Variants in ERGIC1 observed in about 807,000 individuals in gnomAD.
The protein encoded by ERGIC1 is endoplasmic reticulum-Golgi intermediate compartment protein 1.
In ERGIC1, 19 loss-of-function variants were observed where a neutral mutation model predicts 38.3. The observed-to-expected ratio is 0.50, with a 90% CI of 0.35 to 0.73. ERGIC1 has a LOEUF of 0.73. Among genes scored for constraint, ERGIC1 ranks in the 30% least tolerant of loss-of-function variants. The pLI is 0.01. For synonymous variants in ERGIC1, 124 were observed against 157.6 expected, an observed-to-expected ratio of 0.79 and a Z score of 1.60; for missense variants, 294 against 389.2, an observed-to-expected ratio of 0.76 and a Z score of 2.06.
rs1050368775 is a variant in ERGIC1 at position 172,846,137 on chromosome 5, C to T, written c.20+11704C>T. ...CATGGCATCCATTTGACCTCTCTGG[C>T]GATGTCGGCCTTCAGTACCTGGTTA... is the stretch of plus-strand genomic sequence containing the variant. On this transcript the variant is annotated intron_variant, in intron 1 of 9. Coordinates refer to ENST00000393784, the MANE Select transcript of ERGIC1 (RefSeq NM_001031711.3). The surrounding 1 kb of genome is among the most constrained non-coding windows in gnomAD (Gnocchi z 4.0). 6.6e-6 allele frequency among the ~76,000 whole-genome samples: 1 copy of T among 152,128 alleles called. No individual in the cohort carries two copies. Among genetic ancestry groups the T allele is most frequent in the South Asian group, 2.1e-4 (1 of 4,820 alleles).
intron 9 of ERGIC1, chr5:172,937,204 G>A (rs1402078249): frequency 6.6e-6 from 1 of 152,122 alleles, no homozygotes; most frequent in African/African-American, 2.4e-5. Flanking sequence ...AATGGGAAAG[G>A]GGTAGCCTTC....
chr5:172,951,184 CTCG>C lies in ERGIC1; in HGVS notation c.*369_*371del. The C allele has an allele frequency of 6.0e-6, 1 of 167,938 alleles. No individual in the cohort carries two copies. Among genetic ancestry groups the C allele is most frequent in the Non-Finnish European group, 1.3e-5 (1 of 78,446 alleles). The allele number at this position is 167,938 out of a possible 1,614,324, so 10.4% of individuals were successfully genotyped here. ...CAGCTCTCAGCCAGGCTTCGACAATCTCGCAGCCCCCACTAGGTGGACACATTA... is the reference window on the plus strand; with the variant it reads ...CAGCTCTCAGCCAGGCTTCGACAATCCAGCCCCCACTAGGTGGACACATTA... On this transcript the variant is annotated 3_prime_UTR_variant, in exon 10 of 10. Coordinates refer to ENST00000393784, the MANE Select transcript of ERGIC1 (RefSeq NM_001031711.3).
chr5:172,919,252 T>C (rs1371710434), intron 5 of ERGIC1, among the ~76,000 whole-genome samples: 2 of 152,214 alleles, frequency 1.3e-5, no homozygotes, highest in Non-Finnish European at 2.9e-5. Flanking sequence ...AAGGAAGCCC[T>C]GTCTGAAGAC....
intron 5 of ERGIC1, among the ~76,000 whole-genome samples, chr5:172,919,585 A>G (rs2161134): frequency 0.34 from 51,178 of 152,122 alleles, 9,039 homozygotes; most frequent in Non-Finnish European, 0.38. Flanking sequence ...CCCGGCTACC[A>G]TGGTCACTGG....
chr5:172,913,988 A>T (rs1763275247), intron 4 of ERGIC1, among the ~76,000 whole-genome samples: 1 of 152,130 alleles, frequency 6.6e-6, no homozygotes, highest in Non-Finnish European at 1.5e-5. Context: ...TAATCCCAGC[A>T]CTTTGGGAGG....
At chr5:172,927,386 C>T (rs553057839) in intron 7 of ERGIC1, among the ~76,000 whole-genome samples, 2 of 152,284 alleles carry the variant, frequency 1.3e-5, no homozygotes, top group African/African-American at 4.8e-5. Flanking sequence ...CCTGCCCCCC[C>T]GACAAATCGA....
At chr5:172,928,074 G>A (rs1763696263) in intron 7 of ERGIC1, among the ~76,000 whole-genome samples, 1 of 152,122 alleles carries the variant, frequency 6.6e-6, no homozygotes, top group Admixed American at 6.5e-5. Context: ...GTGTGGTGCC[G>A]TGGTCATTGT....
At chr5:172,887,429 A>G (rs954289044) in intron 1 of ERGIC1, among the ~76,000 whole-genome samples, 2 of 152,092 alleles carry the variant, frequency 1.3e-5, no homozygotes, top group Non-Finnish European at 2.9e-5. Flanking sequence ...CTTTACAGAC[A>G]CTTCTTTCCC....
chr5:172,903,811 G>T (rs1367187871), intron 3 of ERGIC1, among the ~76,000 whole-genome samples: 1 of 151,596 alleles, frequency 6.6e-6, no homozygotes, highest in East Asian at 2.1e-4. Flanking sequence ...CAGCCAAGAG[G>T]TGGCAGAGCC....
intron 9 of ERGIC1, among the ~76,000 whole-genome samples, chr5:172,941,606 C>G (rs1388746332): frequency 6.6e-6 from 1 of 152,180 alleles, no homozygotes; most frequent in Non-Finnish European, 1.5e-5. Context: ...ACAAAGCCCC[C>G]AGAAGTCATA....
At chr5:172,856,786 G>A (rs1761559353) in intron 1 of ERGIC1, among the ~76,000 whole-genome samples, 1 of 152,228 alleles carries the variant, frequency 6.6e-6, no homozygotes, top group Non-Finnish European at 1.5e-5. Flanking sequence ...CATGGAGACG[G>A]AAGACAGACT....
intron 1 of ERGIC1, among the ~76,000 whole-genome samples, chr5:172,857,875 C>T (rs540791692): frequency 6.6e-6 from 1 of 152,138 alleles, no homozygotes; most frequent in African/African-American, 2.4e-5. Context: ...TGTTCATTCG[C>T]TCATTCATTC....
At chr5:172,920,650 A>C (rs550152739) in intron 5 of ERGIC1, 1 of 562,256 alleles carries the variant, frequency 1.8e-6, no homozygotes, top group Non-Finnish European at 3.2e-6. Flanking sequence ...GTGGAGGGGG[A>C]GTGGGTTCCT....
intron 7 of ERGIC1, among the ~76,000 whole-genome samples, chr5:172,931,777 C>T (rs1763779650): frequency 6.6e-6 from 1 of 152,074 alleles, no homozygotes; most frequent in African/African-American, 2.4e-5. Flanking sequence ...CCTCCTCCCC[C>T]AATCCATGGA....
At chr5:172,917,190 A>G (rs560193744) in intron 5 of ERGIC1, 1 of 152,260 alleles carries the variant, frequency 6.6e-6, no homozygotes, top group Non-Finnish European at 1.5e-5. Flanking sequence ...GTTTCTAGAC[A>G]TGGAAGCTTA....
intron 9 of ERGIC1, among the ~76,000 whole-genome samples, chr5:172,939,892 C>T (rs1025384403): frequency 3.2e-4 from 48 of 152,242 alleles, no homozygotes; most frequent in African/African-American, 1.0e-3. Flanking sequence ...CACAAAGATC[C>T]CTGGGAGCCC....
chr5:172,913,051 G>A (rs141669178), intron 4 of ERGIC1, among the ~76,000 whole-genome samples: 116 of 95,274 alleles, frequency 1.2e-3, no homozygotes, highest in African/African-American at 4.9e-3. Flanking sequence ...TTACCGGCGT[G>A]AGCCACTGTG....
intron 1 of ERGIC1, among the ~76,000 whole-genome samples, chr5:172,855,048 C>T (rs1275293086): frequency 1.3e-5 from 2 of 152,156 alleles, no homozygotes; most frequent in African/African-American, 4.8e-5. Flanking sequence ...TTCTGGGGCT[C>T]CTGAAATGGA....
At position 172,914,814 on chromosome 5, in the gene ERGIC1, C is replaced by T. The variant is rs1193115388; in HGVS notation, c.351C>T (p.Phe117=). Residue 117 remains phenylalanine, a synonymous_variant, in exon 5 of 10, where the codon TTC becomes TTT. Coordinates refer to ENST00000393784, the MANE Select transcript of ERGIC1 (RefSeq NM_001031711.3). ...TGAACAATGGGGCAGGCTGCCGCTT[C>T]GAGGGGCAGTTCAGCATCAACAAGG... ...IPLNNGAGCR[F]EGQFSINKVP... is the part of the protein sequence containing the mutation. The T allele has an allele frequency of 8.7e-6, 14 of 1,614,076 alleles. No homozygotes were observed. Among genetic ancestry groups the T allele is most frequent in the African/African-American group, 2.7e-5 (2 of 74,938 alleles).
Sources: allele counts gnomAD v4.1 joint callset (sites outside exome capture counted in the v4.1 genomes callset), GRCh38; gene constraint gnomAD v4.1.1; non-coding constraint Gnocchi (gnomAD v3.1); transcripts MANE v1.5; gene names NCBI Gene and HGNC (gene_info 2026-07-23, HGNC 2026-07-21).